ARHGAP32: variants seen among roughly 807,000 people sequenced by gnomAD.
ARHGAP32 encodes the protein Rho GTPase activating protein 32.
Under a neutral mutation model 186.5 loss-of-function variants are expected in ARHGAP32, and 51 were observed. That is an observed-to-expected ratio of 0.27 (90% CI 0.22 to 0.35). The LOEUF (loss-of-function observed/expected upper bound fraction) is 0.35, where lower values mean the gene tolerates loss of function less well. ARHGAP32 is among the 10% of genes least tolerant of loss of function. The probability of loss-of-function intolerance (pLI) is 1.00; values close to 1 mark genes in which losing one functional copy is unlikely to be tolerated. For missense variants in ARHGAP32, 2,186 were observed against 2,623.5 expected (o/e 0.83, Z 3.64); for synonymous variants, 950 against 964.3 (o/e 0.99, Z 0.27).
intron 6 of ARHGAP32, among the ~76,000 whole-genome samples, chr11:129,069,702 TTTTG>T (rs1940810564): frequency 6.6e-6 from 1 of 151,998 alleles, no homozygotes; most frequent in Admixed American, 6.6e-5. Flanking sequence ...TTCACTTATG[TTTTG>T]TTTTTCTGCT....
At chr11:128,990,083 T>C (rs973302776) in intron 12 of ARHGAP32, among the ~76,000 whole-genome samples, 4 of 152,192 alleles carry the variant, frequency 2.6e-5, no homozygotes, top group Admixed American at 6.5e-5. Context: ...CCTTTTGCCA[T>C]ACAAACCAAC....
chr11:128,981,433 G>A lies in ARHGAP32; in HGVS notation c.1763C>T (p.Ala588Val), dbSNP rs1945704312. 1.2e-6 allele frequency: 2 copies of A among 1,608,854 alleles called. No homozygotes were observed. Among genetic ancestry groups the A allele is most frequent in the African/African-American group, 2.7e-5 (2 of 74,954 alleles). ...DVLFSGRISMAMQEGAASLSR... is the reference protein window; with the variant it reads ...DVLFSGRISMVMQEGAASLSR... The stretch of plus-strand genomic sequence containing the variant: ...AGCCGTACCTGCCCCCTCTTGCATG[G>A]CCATGCTGATTCTGCCGCTGAACAG... Residue 588 changes from alanine to valine, a missense_variant, in exon 17 of 23, where the codon GCC becomes GTC. Transcript: ENST00000682385.
intron 5 of ARHGAP32, among the ~76,000 whole-genome samples, chr11:129,116,989 G>A (rs1309583008): frequency 6.6e-6 from 1 of 151,682 alleles, no homozygotes; most frequent in African/African-American, 2.4e-5. Context: ...GGAAACTGAC[G>A]ACCAGAGACA....
chr11:129,225,719 G>C (rs551510260), intron 1 of ARHGAP32, among the ~76,000 whole-genome samples: 1 of 151,950 alleles, frequency 6.6e-6, no homozygotes, highest in East Asian at 1.9e-4. Flanking sequence ...TACAAGACAC[G>C]CCAAGAAATA....
intron 2 of ARHGAP32, among the ~76,000 whole-genome samples, chr11:129,135,638 G>T (rs1942919913): frequency 6.6e-6 from 1 of 152,070 alleles, no homozygotes; most frequent in South Asian, 2.1e-4. Flanking sequence ...GTGGTGGCAG[G>T]TGCCTGTAGT....
chr11:129,100,511 C>T (rs1199628569), intron 5 of ARHGAP32, among the ~76,000 whole-genome samples: 2 of 152,140 alleles, frequency 1.3e-5, no homozygotes, highest in Admixed American at 6.5e-5. Flanking sequence ...ATGGCAACTC[C>T]ACACATCACT....
intron 19 of ARHGAP32, among the ~76,000 whole-genome samples, 186 bp from the exon 20 acceptor site, chr11:128,976,820 T>C (rs986420279): frequency 6.6e-5 from 10 of 152,240 alleles, no homozygotes; most frequent in Admixed American, 3.9e-4. Context: ...AGTACTCTAT[T>C]ATATAATGTG....
chr11:129,001,448 ATT>A (rs1946356539), intron 11 of ARHGAP32, among the ~76,000 whole-genome samples: 1 of 152,162 alleles, frequency 6.6e-6, no homozygotes, highest in Non-Finnish European at 1.5e-5. Context: ...TCTTTTGCCC[ATT>A]TGTTAATCAA....
At chr11:129,196,962 C>A (rs1944399935), upstream of ARHGAP32, among the ~76,000 whole-genome samples, 1 of 152,022 alleles carries the variant, frequency 6.6e-6, no homozygotes. Flanking sequence ...TAGGCTGAGG[C>A]AGGAGAATAG....
intron 2 of ARHGAP32, among the ~76,000 whole-genome samples, chr11:129,129,276 GCC>G (rs1199296298): frequency 7.0e-6 from 1 of 143,124 alleles, no homozygotes; most frequent in Non-Finnish European, 1.6e-5. Flanking sequence ...CCCGGCAGCT[GCC>G]CCGTCTGGGA....
chr11:129,208,205 A>T (rs1018105653), intron 1 of ARHGAP32, among the ~76,000 whole-genome samples: 1 of 152,210 alleles, frequency 6.6e-6, no homozygotes, highest in Non-Finnish European at 1.5e-5. Context: ...CTTAGAATGA[A>T]TTCATCAGTT....
At chr11:129,020,684 T>C (rs1250188616) in intron 11 of ARHGAP32, among the ~76,000 whole-genome samples, 1 of 152,104 alleles carries the variant, frequency 6.6e-6, no homozygotes, top group Non-Finnish European at 1.5e-5. Context: ...CAAAGCAAAA[T>C]TCTCAGTGTC....
At chr11:129,164,188 T>C (rs1443669112) in intron 2 of ARHGAP32, 131 bp downstream of exon 2, 2 of 597,860 alleles carry the variant, frequency 3.3e-6, no homozygotes, top group Non-Finnish European at 5.8e-6. Context: ...ATTCACTCAA[T>C]AAATATTTCC....
At chr11:129,126,336 C>A (rs1942659209) in intron 2 of ARHGAP32, among the ~76,000 whole-genome samples, 1 of 152,094 alleles carries the variant, frequency 6.6e-6, no homozygotes, top group African/African-American at 2.4e-5. Context: ...AAACAGGCAT[C>A]CAACAAGGTA....
At chr11:129,007,219 C>A in intron 11 of ARHGAP32, among the ~76,000 whole-genome samples, 1 of 151,968 alleles carries the variant, frequency 6.6e-6, no homozygotes, top group Non-Finnish European at 1.5e-5. Context: ...GGTGCCCTAT[C>A]CCACTGTGGC....
intron 11 of ARHGAP32, among the ~76,000 whole-genome samples, chr11:129,020,577 G>A (rs1433747855): frequency 6.6e-6 from 1 of 151,948 alleles, no homozygotes; most frequent in Non-Finnish European, 1.5e-5. Context: ...TTTTGACATA[G>A]GTTTCAAGAG....
chr11:129,238,194 T>C (rs1288307742), intron 1 of ARHGAP32, among the ~76,000 whole-genome samples: 2 of 152,206 alleles, frequency 1.3e-5, no homozygotes, highest in East Asian at 1.9e-4. Flanking sequence ...CCAAATATCA[T>C]GGAATTTATT....
chr11:129,135,001 G>A (rs1268128812), intron 2 of ARHGAP32, among the ~76,000 whole-genome samples: 1 of 152,142 alleles, frequency 6.6e-6, no homozygotes, highest in East Asian at 1.9e-4. Flanking sequence ...AGAACACATT[G>A]AGACAGAACT....
chr11:129,111,335 A>G (rs183260081), intron 5 of ARHGAP32, among the ~76,000 whole-genome samples: 140 of 152,242 alleles, frequency 9.2e-4, no homozygotes, highest in Non-Finnish European at 1.0e-3. Context: ...GTACTTTGTT[A>G]AGTATTTTTG....
Sources: gnomAD v4.1 joint callset for allele counts (sites outside exome capture counted in the v4.1 genomes callset) on GRCh38, gnomAD v4.1.1 for gene constraint, MANE v1.5 for transcripts, NCBI Gene and HGNC (gene_info 2026-07-23, HGNC 2026-07-21) for gene names.